Variants in SVIL observed in about 807,000 individuals in gnomAD.
The protein encoded by SVIL is archvillin.
A neutral mutation model predicts 240.4 loss-of-function variants in SVIL; 101 were observed. That is an observed-to-expected ratio of 0.42 (90% CI 0.36 to 0.50). SVIL has a LOEUF of 0.50. SVIL is among the 20% of genes least tolerant of loss of function. The pLI, the probability that SVIL is intolerant of heterozygous loss-of-function variation, is 0.01. For missense variants in SVIL, 2,512 were observed against 2,818.7 expected, an observed-to-expected ratio of 0.89 and a Z score of 2.46; for synonymous variants, 999 against 1,100.0, an observed-to-expected ratio of 0.91 and a Z score of 1.82.
In SVIL at chr10:29,499,867, T is replaced by C. The variant is rs190968321; in HGVS notation, c.3517-604A>G. ...AGAAGTGGCTTTAAACTGTGAGACA[T>C]CTGATGTTGAGGGTGAACTATGCTG... On this transcript the variant is annotated intron_variant, in intron 17 of 37. Transcript: ENST00000355867. Among the ~76,000 whole-genome samples, 279 of 152,338 alleles carry C rather than the reference T, an allele frequency of 1.8e-3. 2 individuals are homozygous for C. The East Asian group carries it at 0.032, about 18-fold the overall frequency.
intron 3 of SVIL, among the ~76,000 whole-genome samples, chr10:29,642,334 G>A (rs1158139219): frequency 6.6e-6 from 1 of 151,950 alleles, no homozygotes; most frequent in Non-Finnish European, 1.5e-5. Context: ...AGAGGTTGCA[G>A]TGAGCTGAGA....
At position 29,554,827 on chromosome 10, in the gene SVIL, G is replaced by C; in HGVS notation, c.116C>G (p.Thr39Ser). Reference protein sequence around the residue: ...LVTHRLLEEDTPRYMRASDPA... With the variant: ...LVTHRLLEEDSPRYMRASDPA... The stretch of plus-strand genomic sequence containing the variant: ...GTCGCTGGCTCTCATGTATCGAGGG[G>C]TGTCTTCCTCCAGCAGGCGGTGAGT... Residue 39 changes from threonine (T) to serine (S), a missense_variant, in exon 5 of 38, where the codon ACC (threonine) becomes AGC (serine). Physicochemically the swap from Thr to Ser is moderately conservative, Grantham distance 58 (BLOSUM62 1). Transcript: ENST00000355867. 1.9e-6 allele frequency: 3 copies of C among 1,613,568 alleles called. No individual in the cohort carries two copies. The highest frequency in any genetic ancestry group is 1.7e-6 in the Non-Finnish European group (2 of 1,179,766).
chr10:29,537,779 G>A (rs1024944477), intron 6 of SVIL, among the ~76,000 whole-genome samples: 1 of 152,204 alleles, frequency 6.6e-6, no homozygotes, highest in African/African-American at 2.4e-5. Flanking sequence ...TGTACGTCTT[G>A]CTGTAACCAC....
chr10:29,527,954 C>A (rs560634271), intron 12 of SVIL, among the ~76,000 whole-genome samples: 1 of 152,080 alleles, frequency 6.6e-6, no homozygotes, highest in East Asian at 1.9e-4. Flanking sequence ...GTCTTGAACT[C>A]CTGACTTCAG....
At chr10:29,618,958 G>C (rs1266636940) in intron 1 of SVIL, among the ~76,000 whole-genome samples, 1 of 152,168 alleles carries the variant, frequency 6.6e-6, no homozygotes, top group Non-Finnish European at 1.5e-5. Context: ...TAAACAGGTA[G>C]GAAGGGGATT....
chr10:29,626,226 G>GTT (rs1957861344), intron 1 of SVIL, among the ~76,000 whole-genome samples: 3 of 152,264 alleles, frequency 2.0e-5, no homozygotes, highest in African/African-American at 7.2e-5. Flanking sequence ...CCCTACATCA[G>GTT]ACACACATAA....
chr10:29,652,919 T>C (rs926551852), intron 3 of SVIL, among the ~76,000 whole-genome samples: 1 of 152,194 alleles, frequency 6.6e-6, no homozygotes, highest in African/African-American at 2.4e-5. Context: ...CAGTTCTTTA[T>C]GTATTCTAGA....
chr10:29,612,092 GA>G (rs545659839), intron 1 of SVIL, among the ~76,000 whole-genome samples: 13 of 149,402 alleles, frequency 8.7e-5, no homozygotes, highest in East Asian at 3.9e-4. Context: ...GCTATCTCAG[GA>G]AAAAAAAAAT....
intron 1 of SVIL, among the ~76,000 whole-genome samples, chr10:29,722,157 G>C (rs1410786843): frequency 6.6e-6 from 1 of 150,624 alleles, no homozygotes; most frequent in Non-Finnish European, 1.5e-5. Flanking sequence ...AGAATCGTTT[G>C]AACCCAGGAG....
chr10:29,550,850 C>T lies in SVIL; in HGVS notation c.574G>A (p.Gly192Ser), dbSNP rs779601034. 1 of 1,614,022 alleles carries T rather than the reference C, an allele frequency of 6.2e-7. No individual in the cohort carries two copies. Among genetic ancestry groups the T allele is most frequent in the Admixed American group, 1.7e-5 (1 of 60,010 alleles). ...AGCAGCACCTCCGGGTCGGAAGAGC[C>T]GTCACCCACATGGAGGGCATAGTCC... is the stretch of plus-strand genomic sequence containing the variant. ...SKDYALHVGD[G>S]SSDPEVLLNI... The change falls in exon 6 of 38, where the codon GGC becomes AGC. Residue 192 changes from glycine (G) to serine (S), a missense_variant. Gly to Ser is a moderately conservative substitution (Grantham distance 56, BLOSUM62 0). Transcript: ENST00000355867.
Position 29,550,903 on chromosome 10 carries a change from C to A in SVIL, c.521G>T (p.Gly174Val), listed in dbSNP as rs1347243840. The part of the protein sequence containing the change: ...SSLYPGTETM[G>V]LRTCAGESKD... ...GGATTCACCGGCACAGGTCCTGAGCCCCATCGTCTCGGTCCCGGGGTACAG... is the reference window on the plus strand; with the variant it reads ...GGATTCACCGGCACAGGTCCTGAGCACCATCGTCTCGGTCCCGGGGTACAG... The change falls in exon 6 of 38, where the codon GGG (glycine) becomes GTG (valine). Residue 174 changes from glycine to valine, a missense_variant. By Grantham distance (109) the Gly-to-Val change is moderately radical (BLOSUM62 -3). Transcript: ENST00000355867. The A allele has an allele frequency of 1.2e-6, 2 of 1,613,966 alleles. No individual in the cohort carries two copies. Among genetic ancestry groups the A allele is most frequent in the Admixed American group, 3.3e-5 (2 of 60,006 alleles).
chr10:29,479,865 C>T (rs1267887111), intron 29 of SVIL, among the ~76,000 whole-genome samples: 2 of 152,144 alleles, frequency 1.3e-5, no homozygotes, highest in African/African-American at 4.8e-5. Flanking sequence ...GGGTGAGCAG[C>T]GCTGTGGAAA....
intron 1 of SVIL, among the ~76,000 whole-genome samples, chr10:29,710,581 G>T (rs1963207671): frequency 6.6e-6 from 1 of 152,098 alleles, no homozygotes; most frequent in South Asian, 2.1e-4. Context: ...AATTATTGCA[G>T]AATATTGAGG....
chr10:29,536,406 A>G (rs943968991), intron 6 of SVIL, among the ~76,000 whole-genome samples: 8 of 152,172 alleles, frequency 5.3e-5, no homozygotes, highest in African/African-American at 1.7e-4. Context: ...CTAAATTAAA[A>G]CTTAAAAAAA....
intron 1 of SVIL, among the ~76,000 whole-genome samples, chr10:29,587,932 TA>T (rs1369542837): frequency 6.6e-6 from 1 of 152,220 alleles, no homozygotes; most frequent in African/African-American, 2.4e-5. Flanking sequence ...AAATATTCAT[TA>T]TTTTTAATTC....
chr10:29,525,889 C>A (rs1950864568), intron 13 of SVIL, among the ~76,000 whole-genome samples: 1 of 152,188 alleles, frequency 6.6e-6, no homozygotes, highest in Non-Finnish European at 1.5e-5. Flanking sequence ...GCCACCTGAG[C>A]CTCAGAGTCC....
chr10:29,630,482 G>A (rs1958043058), intron 1 of SVIL, among the ~76,000 whole-genome samples: 1 of 152,078 alleles, frequency 6.6e-6, no homozygotes, highest in African/African-American at 2.4e-5. Flanking sequence ...ATACTAAAGA[G>A]CCCCTGAGAT....
intron 3 of SVIL, among the ~76,000 whole-genome samples, chr10:29,651,000 T>C (rs534661335): frequency 2.9e-4 from 44 of 152,328 alleles, no homozygotes; most frequent in African/African-American, 1.0e-3. Context: ...CAATTTGACC[T>C]AGACTTTGAA....
At chr10:29,527,205 A>G in intron 12 of SVIL, 149 bp from the exon 13 acceptor site, 3 of 757,308 alleles carry the variant, frequency 4.0e-6, no homozygotes, top group East Asian at 2.8e-5. Flanking sequence ...AAAAATCACG[A>G]AAGAACTTCA....
Sources: gnomAD v4.1 joint callset for allele counts (sites outside exome capture counted in the v4.1 genomes callset) on GRCh38, gnomAD v4.1.1 for gene constraint, MANE v1.5 for transcripts, NCBI Gene and HGNC (gene_info 2026-07-23, HGNC 2026-07-21) for gene names.